RHBDD1: variants seen among roughly 807,000 people sequenced by gnomAD.
RHBDD1 encodes rhomboid domain containing 1.
In RHBDD1, 38 loss-of-function variants were observed where a neutral mutation model predicts 36.3. That is an observed-to-expected ratio of 1.05 (90% confidence interval 0.81 to 1.37). The LOEUF (loss-of-function observed/expected upper bound fraction) is 1.37. RHBDD1 is among the 40% of genes most tolerant of loss of function. RHBDD1 has a pLI of 0.00. For synonymous variants in RHBDD1, 151 were observed against 136.5 expected (o/e 1.11, Z -0.74); for missense variants, 393 against 377.6 (o/e 1.04, Z -0.34).
At chr2:226,971,353 C>T (rs903622511) in intron 8 of RHBDD1, among the ~76,000 whole-genome samples, 12 of 152,212 alleles carry the variant, frequency 7.9e-5, no homozygotes, top group Non-Finnish European at 1.5e-4. Flanking sequence ...TGTCGAAGGA[C>T]GTCTGAACCC....
the RHBDD1 span, among the ~76,000 whole-genome samples, chr2:226,824,485 AG>A: frequency 2.0e-5 from 3 of 152,346 alleles, no homozygotes; most frequent in Non-Finnish European, 2.9e-5. Context: ...TGGGAAAGAA[AG>A]GATTGAGTTA....
chr2:226,861,782 A>T (rs1221542068), intron 3 of RHBDD1, among the ~76,000 whole-genome samples: 1 of 152,254 alleles, frequency 6.6e-6, no homozygotes, highest in African/African-American at 2.4e-5. Flanking sequence ...ATTACAAAAA[A>T]GTTACGGTAG....
chr2:226,849,199 G>A (rs544319433), intron 3 of RHBDD1, among the ~76,000 whole-genome samples: 1 of 152,334 alleles, frequency 6.6e-6, no homozygotes, highest in African/African-American at 2.4e-5. Flanking sequence ...CGTGGGCAGG[G>A]CCACATAGCT....
chr2:226,824,194 T>A, the RHBDD1 span, among the ~76,000 whole-genome samples: 1 of 152,092 alleles, frequency 6.6e-6, no homozygotes, highest in African/African-American at 2.4e-5. Context: ...GAGAATATGA[T>A]AAAGCAAATG....
At chr2:226,856,760 G>C (rs1287999108) in intron 3 of RHBDD1, among the ~76,000 whole-genome samples, 1 of 152,170 alleles carries the variant, frequency 6.6e-6, no homozygotes, top group Non-Finnish European at 1.5e-5. Context: ...TTGCTGTCTA[G>C]CTCTTGTAAT....
upstream of RHBDD1, among the ~76,000 whole-genome samples, chr2:226,833,373 G>A (rs984223170): frequency 3.3e-5 from 5 of 152,128 alleles, no homozygotes; most frequent in African/African-American, 9.7e-5. Context: ...GTTGCCTGAC[G>A]TCCTCTCACT....
chr2:226,997,578 T>C lies in RHBDD1; in HGVS notation c.*2056T>C, dbSNP rs576115416. On this transcript the variant is annotated 3_prime_UTR_variant, in exon 9 of 9. Coordinates refer to ENST00000392062, the MANE Select transcript of RHBDD1 (RefSeq NM_001167608.3). ...AATGTCAGTGTTTCACCAAAGTATTTTTTCCATTGTATTAAGAGTCCAGTC... is the reference window on the plus strand; with the variant it reads ...AATGTCAGTGTTTCACCAAAGTATTCTTTCCATTGTATTAAGAGTCCAGTC... The C allele has an allele frequency of 1.3e-5, 2 of 152,348 alleles. No homozygotes were observed. The highest frequency in any genetic ancestry group is 4.1e-4 in the South Asian group (2 of 4,826). 9.4% of individuals were successfully genotyped at this position (152,348 alleles called of 1,614,324 possible).
At chr2:226,952,647 C>A (rs891982692) in intron 8 of RHBDD1, among the ~76,000 whole-genome samples, 1 of 152,116 alleles carries the variant, frequency 6.6e-6, no homozygotes, top group Admixed American at 6.6e-5. Context: ...TGGATGTCCT[C>A]CATGCTTTAT....
At chr2:226,905,792 G>A (rs561430633) in intron 5 of RHBDD1, among the ~76,000 whole-genome samples, 11 of 152,196 alleles carry the variant, frequency 7.2e-5, no homozygotes, top group Non-Finnish European at 1.0e-4. Flanking sequence ...TGTGGCAGTA[G>A]GAATGGGAAG....
At chr2:226,869,198 T>C in intron 5 of RHBDD1, 8 of 984,932 alleles carry the variant, frequency 8.1e-6, no homozygotes, top group African/African-American at 1.7e-5. Context: ...CATATGCATA[T>C]TCTTTGTGGA....
the RHBDD1 span, among the ~76,000 whole-genome samples, chr2:226,820,959 C>T: frequency 1.3e-5 from 2 of 152,090 alleles, no homozygotes; most frequent in African/African-American, 4.8e-5. Context: ...AAACAGCATC[C>T]GTGGCATCAG....
At chr2:226,841,611 A>G (rs932164099) in intron 3 of RHBDD1, among the ~76,000 whole-genome samples, 5 of 152,144 alleles carry the variant, frequency 3.3e-5, no homozygotes, top group Non-Finnish European at 5.9e-5. Context: ...AGCTTTATCC[A>G]TGTCCCTGCA....
At chr2:226,958,038 A>G (rs996193624) in intron 8 of RHBDD1, among the ~76,000 whole-genome samples, 3 of 152,328 alleles carry the variant, frequency 2.0e-5, no homozygotes, top group East Asian at 1.9e-4. Flanking sequence ...TTAATCACCA[A>G]TTTTTAAGAG....
At chr2:226,977,896 C>T (rs1357423454) in intron 8 of RHBDD1, among the ~76,000 whole-genome samples, 1 of 152,136 alleles carries the variant, frequency 6.6e-6, no homozygotes, top group East Asian at 1.9e-4. Flanking sequence ...TGCATTTTAA[C>T]GTAAATTTGA....
the RHBDD1 span, among the ~76,000 whole-genome samples, chr2:226,810,489 C>T: frequency 7.7e-6 from 1 of 129,252 alleles, no homozygotes; most frequent in South Asian, 2.4e-4. Flanking sequence ...TTCAGTGAGC[C>T]GAGATCACAC....
At chr2:226,939,217 A>G (rs1381119294) in intron 8 of RHBDD1, among the ~76,000 whole-genome samples, 1 of 152,226 alleles carries the variant, frequency 6.6e-6, no homozygotes, top group Non-Finnish European at 1.5e-5. Flanking sequence ...GAAAACTGGC[A>G]CAAGACAAGG....
At chr2:226,869,320 G>A (rs1272025895) in intron 5 of RHBDD1, 7 of 314,876 alleles carry the variant, frequency 2.2e-5, no homozygotes, top group East Asian at 1.7e-4. Context: ...TAATATACAA[G>A]CATCTACTTA....
upstream of RHBDD1, chr2:226,835,887 G>A (rs553832972): frequency 6.6e-6 from 1 of 152,464 alleles, no homozygotes; most frequent in Non-Finnish European, 1.5e-5. Flanking sequence ...GGCCCCCTTA[G>A]AGCCACTGCC....
At chr2:226,833,514 CATTTA>C (rs1420732180), upstream of RHBDD1, among the ~76,000 whole-genome samples, 1 of 152,234 alleles carries the variant, frequency 6.6e-6, no homozygotes, top group Non-Finnish European at 1.5e-5. Flanking sequence ...TAAAAACACT[CATTTA>C]AGTCGGGTGG....
Sources: allele counts gnomAD v4.1 joint callset (sites outside exome capture counted in the v4.1 genomes callset), GRCh38; gene constraint gnomAD v4.1.1; transcripts MANE v1.5; gene names NCBI Gene and HGNC (gene_info 2026-07-23, HGNC 2026-07-21).